The following GOLT1B variants were observed in gnomAD, a reference collection of about 807,000 sequenced individuals.
GOLT1B encodes vesicle transport protein GOT1B.
In GOLT1B, 3 loss-of-function variants were observed where a neutral mutation model predicts 15.4. The observed-to-expected ratio is 0.19, with a 90% CI of 0.09 to 0.50. The LOEUF is 0.50. Among genes scored for constraint, GOLT1B ranks in the 20% least tolerant of loss-of-function variants. The pLI, the probability that GOLT1B is intolerant of heterozygous loss-of-function variation, is 0.97. For missense variants in GOLT1B, 145 were observed against 160.4 expected (o/e 0.90, Z 0.52); for synonymous variants, 65 against 56.2 (o/e 1.16, Z -0.70).
At chr12:21,508,311 T>A in intron 2 of GOLT1B, 72 bp from the exon 3 acceptor site, 1 of 916,836 alleles carries the variant, frequency 1.1e-6, no homozygotes. Flanking sequence ...ATATTTAGCT[T>A]TGACTTTACG....
chr12:21,502,134 G>A (rs1490333772), intron 1 of GOLT1B, among the ~76,000 whole-genome samples, 186 bp downstream of exon 1: 2 of 152,196 alleles, frequency 1.3e-5, no homozygotes, highest in African/African-American at 4.8e-5. Context: ...TTGGACTGGC[G>A]GACCTGACCT....
intron 2 of GOLT1B, 157 bp from the exon 3 acceptor site, chr12:21,508,226 C>A: frequency 1.7e-6 from 1 of 591,144 alleles, no homozygotes; most frequent in South Asian, 2.2e-5. Flanking sequence ...CTTGGTTCTG[C>A]TGCTTGGTTG....
At chr12:21,510,824 G>C (rs17627677) in intron 3 of GOLT1B, among the ~76,000 whole-genome samples, 3,454 of 152,174 alleles carry the variant, frequency 0.023, 64 homozygotes, top group Non-Finnish European at 0.033. Flanking sequence ...ATCCATAACA[G>C]AATCTTATTG....
intron 4 of GOLT1B, chr12:21,515,150 A>G (rs1943747024): frequency 4.5e-6 from 3 of 659,916 alleles, no homozygotes; most frequent in African/African-American, 1.8e-5. Flanking sequence ...CTTTCAATCC[A>G]AAGTCCAGAA....
Position 21,508,555 on chromosome 12 carries a change from T to A in GOLT1B, c.290T>A (p.Leu97Ter). Residue 97 changes from leucine to a stop codon, truncating the protein, a stop_gained, in exon 3 of 5, where the codon TTG (leucine) becomes TAG (stop). Coordinates refer to ENST00000229314, the MANE Select transcript of GOLT1B (RefSeq NM_016072.5). LOFTEE classifies it high-confidence loss of function. ...TTCGAAATTTATGGATTTTTTCTCTTGTTCAGGTAAGGCATATTATTGTCT... is the reference window on the plus strand; with the variant it reads ...TTCGAAATTTATGGATTTTTTCTCTAGTTCAGGTAAGGCATATTATTGTCT... ...MIFEIYGFFLLFRGFFPVVVG... is the reference protein window; with the variant it reads ...MIFEIYGFFL The A allele has an allele frequency of 6.5e-7, 1 of 1,528,872 alleles. No individual in the cohort carries two copies. The highest frequency in any genetic ancestry group is 9.1e-7 in the Non-Finnish European group (1 of 1,104,942). 94.7% of individuals were successfully genotyped at this position (1,528,872 alleles called of 1,614,324 possible).
At chr12:21,504,706 C>A (rs1479229259) in intron 1 of GOLT1B, 1 of 429,710 alleles carries the variant, frequency 2.3e-6, no homozygotes, top group African/African-American at 2.0e-5. Flanking sequence ...CCAGTGCTAC[C>A]TTTTACCTCA....
chr12:21,510,187 A>G (rs773916993), intron 3 of GOLT1B, among the ~76,000 whole-genome samples: 1 of 152,220 alleles, frequency 6.6e-6, no homozygotes, highest in Non-Finnish European at 1.5e-5. Flanking sequence ...TACTTTTGAC[A>G]TTTTAGGGTA....
intron 3 of GOLT1B, among the ~76,000 whole-genome samples, chr12:21,511,205 A>G (rs1943716846): frequency 6.6e-6 from 1 of 152,198 alleles, no homozygotes; most frequent in Non-Finnish European, 1.5e-5. Flanking sequence ...GATCAGACTA[A>G]TTTACTAGAG....
intron 4 of GOLT1B, among the ~76,000 whole-genome samples, chr12:21,513,201 G>A (rs1250804720): frequency 1.3e-5 from 2 of 151,966 alleles, no homozygotes; most frequent in African/African-American, 2.4e-5. Flanking sequence ...TGTGTGCCTT[G>A]GTTTCCACCT....
At chr12:21,503,377 A>G (rs2136801057) in intron 1 of GOLT1B, among the ~76,000 whole-genome samples, 1 of 152,346 alleles carries the variant, frequency 6.6e-6, no homozygotes, top group South Asian at 2.1e-4. Context: ...ACTTGATCCC[A>G]GGTGTGCTGG....
intron 1 of GOLT1B, among the ~76,000 whole-genome samples, chr12:21,504,325 A>G (rs977152910): frequency 2.6e-5 from 4 of 152,198 alleles, no homozygotes; most frequent in African/African-American, 9.7e-5. Flanking sequence ...TTATGAATGC[A>G]TACGGATAGG....
At position 21,517,541 on chromosome 12, in the gene GOLT1B, A is replaced by G. The variant is rs1943765073; in HGVS notation, c.*1834A>G. ...CTTGATAATTCTACCTTTTTAGAGC[A>G]AGAATAGTATCTGCTAATGTAAGGG... On this transcript the variant is annotated 3_prime_UTR_variant, in exon 5 of 5. Transcript: ENST00000229314. 1 of 152,110 alleles carries G rather than the reference A, an allele frequency of 6.6e-6. No individual in the cohort carries two copies. The highest frequency in any genetic ancestry group is 6.5e-5 in the Admixed American group (1 of 15,280). The allele number at this position is 152,110 out of a possible 1,614,324, so 9.4% of individuals were successfully genotyped here.
intron 1 of GOLT1B, among the ~76,000 whole-genome samples, chr12:21,506,552 G>A (rs1050434003): frequency 7.2e-5 from 11 of 152,090 alleles, no homozygotes; most frequent in African/African-American, 2.4e-4. Flanking sequence ...TGTCTGATGC[G>A]AGAGAGCTTT....
chr12:21,507,669 A>G (rs1943689369), intron 2 of GOLT1B, among the ~76,000 whole-genome samples: 1 of 152,124 alleles, frequency 6.6e-6, no homozygotes, highest in African/African-American at 2.4e-5. Context: ...AAGCTTAACC[A>G]TTAGGCTTAA....
rs1358148923 is a variant in GOLT1B, at chr12:21,518,125, T to C, written c.*2418T>C. On this transcript the variant is annotated 3_prime_UTR_variant, in exon 5 of 5. Coordinates refer to ENST00000229314, the MANE Select transcript of GOLT1B (RefSeq NM_016072.5). ...CAATTGAATATTGTAAATATACTTG[T>C]CTTACCTCTCAATAAAAGGGTACTT... 1 of 152,406 alleles carries C rather than the reference T, an allele frequency of 6.6e-6. No individual in the cohort carries two copies. Among genetic ancestry groups the C allele is most frequent in the Non-Finnish European group, 1.5e-5 (1 of 67,998 alleles). 9.4% of individuals were successfully genotyped at this position (152,406 alleles called of 1,614,324 possible). A position where few individuals can be genotyped will look rare whatever the true frequency, so the allele number is the denominator to read the frequency against.
intron 4 of GOLT1B, chr12:21,515,349 T>G (rs549055208): frequency 1.4e-6 from 1 of 723,638 alleles, no homozygotes; most frequent in Non-Finnish European, 2.3e-6. Flanking sequence ...TTATTTTTTA[T>G]TTTTTGTTAA....
At chr12:21,510,570 T>C (rs1186576375) in intron 3 of GOLT1B, among the ~76,000 whole-genome samples, 1 of 152,184 alleles carries the variant, frequency 6.6e-6, no homozygotes, top group Non-Finnish European at 1.5e-5. Flanking sequence ...AGCTGGAGAT[T>C]TAGTGCCAAG....
intron 1 of GOLT1B, among the ~76,000 whole-genome samples, chr12:21,503,981 G>T (rs1172325379): frequency 6.6e-6 from 1 of 152,164 alleles, no homozygotes; most frequent in Non-Finnish European, 1.5e-5. Flanking sequence ...GCATTCTCCA[G>T]TACAGTTAAT....
chr12:21,501,938 G>A lies in GOLT1B; in HGVS notation c.15G>A (p.Thr5=). 6.2e-7 allele frequency: 1 copy of A among 1,609,656 alleles called. No homozygotes were observed. Among genetic ancestry groups the A allele is most frequent in the Non-Finnish European group, 8.5e-7 (1 of 1,176,102 alleles). Residue 5 remains threonine (T), a synonymous_variant, in exon 1 of 5, where the codon ACG becomes ACA. Transcript: ENST00000229314. ...CCACTGCAGCCATGATCTCCTTAAC[G>A]GACACGCAGAGTAAGCACCTGCTCC... MISL[T]DTQKIGMGLT...
Sources: gnomAD v4.1 joint callset for allele counts (sites outside exome capture counted in the v4.1 genomes callset) on GRCh38, gnomAD v4.1.1 for gene constraint, MANE v1.5 for transcripts, NCBI Gene and HGNC (gene_info 2026-07-23, HGNC 2026-07-21) for gene names.